Variants in CELF2 observed in about 807,000 individuals in gnomAD.
The protein encoded by CELF2 is CUG triplet repeat RNA-binding protein 2.
Under a neutral mutation model 62.6 loss-of-function variants are expected in CELF2, and 8 were observed. That is an observed-to-expected ratio of 0.13 (90% CI 0.07 to 0.23). The LOEUF is 0.23. Ranked by LOEUF, CELF2 falls within the 10% of genes least tolerant of loss-of-function variation. The pLI is 1.00. For missense variants in CELF2, 333 were observed against 671.0 expected (o/e 0.50, Z 5.56); for synonymous variants, 258 against 250.0 (o/e 1.03, Z -0.30).
At chr10:11,091,286 G>A (rs1016935703) in intron 1 of CELF2, among the ~76,000 whole-genome samples, 10 of 152,160 alleles carry the variant, frequency 6.6e-5, no homozygotes, top group African/African-American at 1.9e-4. Context: ...AAGTGAAATC[G>A]CTGGTCTTCC....
At chr10:11,310,413 T>A (rs1291804198) in intron 9 of CELF2, among the ~76,000 whole-genome samples, 2 of 152,186 alleles carry the variant, frequency 1.3e-5, no homozygotes, top group African/African-American at 4.8e-5. Context: ...ATGCCACAGA[T>A]TCTTGCTGCT....
intron 1 of CELF2, among the ~76,000 whole-genome samples, chr10:11,079,741 G>GCGC (rs551115588): frequency 9.0e-6 from 1 of 110,698 alleles, no homozygotes; most frequent in African/African-American, 3.9e-5. Context: ...GACTAATACA[G>GCGC]CCCCCCCCCC....
At chr10:10,517,852 T>C in the CELF2 span, among the ~76,000 whole-genome samples, 2 of 152,250 alleles carry the variant, frequency 1.3e-5, no homozygotes, top group African/African-American at 2.4e-5. Context: ...GCGATCCTGC[T>C]GAGGAATTAT....
chr10:10,571,964 A>C, the CELF2 span, among the ~76,000 whole-genome samples: 1 of 152,112 alleles, frequency 6.6e-6, no homozygotes, highest in Non-Finnish European at 1.5e-5. Flanking sequence ...TGCTGTCAAT[A>C]AGAGAGGGAG....
At chr10:10,914,498 C>G (rs1368491801) in intron 1 of CELF2, among the ~76,000 whole-genome samples, 3 of 152,186 alleles carry the variant, frequency 2.0e-5, no homozygotes, top group African/African-American at 7.2e-5. Context: ...GCTAAATAAT[C>G]TACCAAAACT....
intron 1 of CELF2, among the ~76,000 whole-genome samples, chr10:10,862,130 A>C (rs1452142803): frequency 6.6e-6 from 1 of 152,226 alleles, no homozygotes; most frequent in Non-Finnish European, 1.5e-5. Flanking sequence ...ATGGTAATGA[A>C]TAGAAGACAT....
the CELF2 span, among the ~76,000 whole-genome samples, chr10:10,694,645 C>A: frequency 1.3e-5 from 2 of 150,542 alleles, no homozygotes; most frequent in Non-Finnish European, 3.0e-5. Flanking sequence ...GTGTGGGAGT[C>A]TAAGTCTCTT....
chr10:11,294,553 G>A (rs1043256153), intron 9 of CELF2, among the ~76,000 whole-genome samples: 12 of 152,154 alleles, frequency 7.9e-5, no homozygotes, highest in African/African-American at 1.7e-4. Context: ...CTCCACTAGC[G>A]GCTAAGTGTC....
At chr10:10,530,416 C>T in the CELF2 span, among the ~76,000 whole-genome samples, 2 of 152,304 alleles carry the variant, frequency 1.3e-5, no homozygotes, top group South Asian at 2.1e-4. Flanking sequence ...AATATTAGGA[C>T]ACTCCCAAGT....
chr10:10,677,295 T>C, the CELF2 span, among the ~76,000 whole-genome samples: 2 of 152,214 alleles, frequency 1.3e-5, no homozygotes, highest in East Asian at 1.9e-4. Flanking sequence ...CCTTTTCTAC[T>C]GGGTCATAGA....
the CELF2 span, among the ~76,000 whole-genome samples, chr10:10,487,568 C>T: frequency 6.6e-6 from 1 of 152,112 alleles, no homozygotes; most frequent in Non-Finnish European, 1.5e-5. Flanking sequence ...TTGGGTATTA[C>T]AATATCGCCT....
intron 1 of CELF2, among the ~76,000 whole-genome samples, chr10:11,062,829 A>G (rs914309896): frequency 1.3e-5 from 2 of 152,210 alleles, no homozygotes; most frequent in East Asian, 1.9e-4. Flanking sequence ...AACATGGGCA[A>G]CGTGCTATCA....
chr10:10,892,888 G>A (rs1446584472), intron 1 of CELF2, among the ~76,000 whole-genome samples: 1 of 152,238 alleles, frequency 6.6e-6, no homozygotes, highest in Non-Finnish European at 1.5e-5. Context: ...GTTTGTCAAG[G>A]AGGATGGAGC....
chr10:10,888,357 T>G (rs892062143), intron 1 of CELF2, among the ~76,000 whole-genome samples: 1 of 152,200 alleles, frequency 6.6e-6, no homozygotes, highest in African/African-American at 2.4e-5. Flanking sequence ...CCCTGTAGAC[T>G]GAATTCTCTT....
chr10:10,526,481 C>T, the CELF2 span, among the ~76,000 whole-genome samples: 2 of 152,164 alleles, frequency 1.3e-5, no homozygotes, highest in African/African-American at 4.8e-5. Context: ...TTCCCTTTGT[C>T]TTCCTTTGCC....
At chr10:10,659,136 T>G in the CELF2 span, among the ~76,000 whole-genome samples, 84 of 152,342 alleles carry the variant, frequency 5.5e-4, no homozygotes, top group Non-Finnish European at 1.1e-3. Context: ...TAATACTAGC[T>G]ACCTCAAGAG....
chr10:10,885,938 A>T (rs143093824), intron 1 of CELF2, among the ~76,000 whole-genome samples: 7 of 152,330 alleles, frequency 4.6e-5, no homozygotes, highest in Non-Finnish European at 7.3e-5. Flanking sequence ...CCCTTTTGCC[A>T]TACAAAATAA....
At chr10:11,202,937 CTCTCTCTCTCTCTCTGTGTG>C (rs1392199589) in intron 2 of CELF2, among the ~76,000 whole-genome samples, 5 of 84,380 alleles carry the variant, frequency 5.9e-5, no homozygotes, top group Admixed American at 3.3e-4. Context: ...CTCTCTCTCT[CTCTCTCTCTCTCTCTGTGTG>C]TGTGTGTGTG....
At chr10:10,536,022 A>ATTTTT in the CELF2 span, among the ~76,000 whole-genome samples, 1 of 140,232 alleles carries the variant, frequency 7.1e-6, no homozygotes, top group African/African-American at 2.6e-5. Flanking sequence ...AAGCTTTTGG[A>ATTTTT]TTTTTTTTTT....
Sources: gnomAD v4.1 joint callset for allele counts (sites outside exome capture counted in the v4.1 genomes callset) on GRCh38, gnomAD v4.1.1 for gene constraint, MANE v1.5 for transcripts, NCBI Gene and HGNC (gene_info 2026-07-23, HGNC 2026-07-21) for gene names.